Variants in TEAD4 observed in about 807,000 individuals in gnomAD.
The protein encoded by TEAD4 is TEA domain transcription factor 4.
TEAD4 carries 36 observed loss-of-function variants against 52.4 expected under a neutral mutation model. That is an observed-to-expected ratio of 0.69 (90% confidence interval 0.53 to 0.91). The LOEUF (loss-of-function observed/expected upper bound fraction) is 0.91. Ranked by LOEUF, TEAD4 falls within the 40% of genes least tolerant of loss-of-function variation. The pLI is 0.00. For missense variants in TEAD4, 508 were observed against 583.9 expected, an observed-to-expected ratio of 0.87 and a Z score of 1.34; for synonymous variants, 220 against 231.0, an observed-to-expected ratio of 0.95 and a Z score of 0.43.
intron 3 of TEAD4, among the ~76,000 whole-genome samples, chr12:3,001,921 C>T (rs958379363): frequency 2.6e-5 from 4 of 152,098 alleles, no homozygotes; most frequent in African/African-American, 9.7e-5. Context: ...TGAAACCCGT[C>T]TCTACTAAAA....
chr12:3,010,976 C>T (rs1262237402), intron 3 of TEAD4, 28 bp from the exon 4 acceptor site: 1 of 1,613,780 alleles, frequency 6.2e-7, no homozygotes, highest in Middle Eastern at 1.7e-4. Context: ...TCCTTCTCTC[C>T]ACTGAGAGGC....
intron 10 of TEAD4, among the ~76,000 whole-genome samples, chr12:3,022,565 C>T (rs1026315588): frequency 1.3e-5 from 2 of 152,222 alleles, no homozygotes; most frequent in African/African-American, 4.8e-5. Context: ...TCAGATAGCT[C>T]AGCCTGTAGA....
At chr12:3,022,666 G>A (rs917017709) in intron 10 of TEAD4, among the ~76,000 whole-genome samples, 4 of 152,194 alleles carry the variant, frequency 2.6e-5, no homozygotes, top group African/African-American at 9.7e-5. Flanking sequence ...AGGCCGGGAG[G>A]TACAGTAGCT....
rs559483693 is a variant in TEAD4, at chr12:3,025,000, A to G, written c.897+2983A>G. 4.4e-4 allele frequency among the ~76,000 whole-genome samples: 66 copies of G among 149,174 alleles called. 1 individual carries two copies. The highest frequency in any genetic ancestry group is 1.5e-3 in the African/African-American group (60 of 40,214). ...TACTCTGTCGCCCAGGCTAGAGTGT[A>G]GTGGCGCGATCTCGGCTCACTACAA... On this transcript the variant is annotated intron_variant, in intron 10 of 12. Transcript: ENST00000359864.
chr12:3,012,961 T>C (rs1483827853), intron 5 of TEAD4, among the ~76,000 whole-genome samples: 1 of 152,218 alleles, frequency 6.6e-6, no homozygotes, highest in Non-Finnish European at 1.5e-5. Context: ...TTTTTATTTA[T>C]TTATTTTTAG....
At chr12:2,976,780 A>AC (rs1252005217) in intron 2 of TEAD4, among the ~76,000 whole-genome samples, 1 of 151,610 alleles carries the variant, frequency 6.6e-6, no homozygotes, top group Non-Finnish European at 1.5e-5. Context: ...TCGCCACCCC[A>AC]TTGCCGCCCG....
At chr12:2,961,179 C>G (rs74057724) in intron 2 of TEAD4, among the ~76,000 whole-genome samples, 5,841 of 152,098 alleles carry the variant, frequency 0.038, 362 homozygotes, top group African/African-American at 0.13. Context: ...TTTTAAGTTG[C>G]CCTCAAGGAC....
Position 2,975,408 on chromosome 12 carries a change from G to A in TEAD4, c.-30+15368G>A, listed in dbSNP as rs1422012217. 3.5e-5 allele frequency among the ~76,000 whole-genome samples: 5 copies of A among 144,644 alleles called. No homozygotes were observed. The East Asian group carries it at 1.0e-3, about 29-fold the overall frequency. The allele number at this position is 144,644 out of a possible 152,430, so 94.9% of individuals were successfully genotyped here. ...TATTATTATTATTATTATTACTAGA[G>A]ATGGAGTCTTGCTCTTGTTGCCCAG... On this transcript the variant is annotated intron_variant, in intron 2 of 12. Coordinates refer to ENST00000359864, the MANE Select transcript of TEAD4 (RefSeq NM_003213.4).
chr12:2,997,131 A>T (rs2098247895), intron 3 of TEAD4, among the ~76,000 whole-genome samples: 1 of 152,146 alleles, frequency 6.6e-6, no homozygotes, highest in African/African-American at 2.4e-5. Context: ...GCTCATGAGC[A>T]TGCCTTCCAT....
intron 10 of TEAD4, among the ~76,000 whole-genome samples, chr12:3,027,448 C>T (rs532876010): frequency 6.6e-6 from 1 of 152,294 alleles, no homozygotes; most frequent in East Asian, 1.9e-4. Flanking sequence ...TTAAAACATA[C>T]AGGCCACGCA....
At chr12:2,983,841 G>A (rs1039220913) in intron 2 of TEAD4, among the ~76,000 whole-genome samples, 1 of 152,188 alleles carries the variant, frequency 6.6e-6, no homozygotes, top group Non-Finnish European at 1.5e-5. Context: ...TCTGTGCAGC[G>A]TGCTGAGGAC....
chr12:2,979,433 C>T (rs2098232427), intron 2 of TEAD4, among the ~76,000 whole-genome samples: 1 of 152,194 alleles, frequency 6.6e-6, no homozygotes, highest in African/African-American at 2.4e-5. Flanking sequence ...AGTCACAGCA[C>T]TAAATAGACC....
intron 10 of TEAD4, among the ~76,000 whole-genome samples, chr12:3,037,394 G>C (rs185147059): frequency 6.6e-6 from 1 of 152,278 alleles, no homozygotes; most frequent in Admixed American, 6.5e-5. Context: ...GTGCCTAGAG[G>C]GGGAAGAGGC....
rs1346834733 is a variant in TEAD4, at chr12:2,964,567, C to T, written c.-30+4527C>T. 3.3e-5 allele frequency among the ~76,000 whole-genome samples: 5 copies of T among 151,606 alleles called. No homozygotes were observed. The East Asian group carries it at 9.7e-4, about 29-fold the overall frequency. On this transcript the variant is annotated intron_variant, in intron 2 of 12. Transcript: ENST00000359864. The stretch of plus-strand genomic sequence containing the variant: ...CTGCCTCCTGGATTCAAGCGATTCT[C>T]CTGCCTCAGCCTCCTGAGTAGCTGG...
intron 2 of TEAD4, among the ~76,000 whole-genome samples, chr12:2,988,607 A>G (rs1360618258): frequency 2.0e-5 from 3 of 151,828 alleles, no homozygotes; most frequent in Admixed American, 6.6e-5. Context: ...GTCTTTTTGT[A>G]TGCTAATGAG....
At chr12:2,989,432 T>G (rs2098241304) in intron 2 of TEAD4, among the ~76,000 whole-genome samples, 1 of 152,162 alleles carries the variant, frequency 6.6e-6, no homozygotes, top group South Asian at 2.1e-4. Flanking sequence ...AAGTTTGCTA[T>G]CAGTTTGTTG....
intron 11 of TEAD4, among the ~76,000 whole-genome samples, chr12:3,038,790 C>T (rs564855598): frequency 6.6e-6 from 1 of 152,306 alleles, no homozygotes; most frequent in South Asian, 2.1e-4. Context: ...TGGCCCTAAA[C>T]AAGGGCCAAG....
chr12:3,013,515 C>G (rs2098262061), intron 5 of TEAD4, among the ~76,000 whole-genome samples: 1 of 152,124 alleles, frequency 6.6e-6, no homozygotes, highest in African/African-American at 2.4e-5. Flanking sequence ...GGGCGGATCA[C>G]TTGAGGTCAG....
chr12:3,009,060 T>A (rs2098258136), intron 3 of TEAD4, among the ~76,000 whole-genome samples: 1 of 152,186 alleles, frequency 6.6e-6, no homozygotes, highest in Admixed American at 6.5e-5. Flanking sequence ...TGAGCCAGCG[T>A]TGAGGTCTGT....
Sources: gnomAD v4.1 joint callset for allele counts (sites outside exome capture counted in the v4.1 genomes callset) on GRCh38, gnomAD v4.1.1 for gene constraint, MANE v1.5 for transcripts, NCBI Gene and HGNC (gene_info 2026-07-23, HGNC 2026-07-21) for gene names.